Variants in PCDH9 observed in about 807,000 individuals in gnomAD.
The protein encoded by PCDH9 is protocadherin 9.
In PCDH9, 24 loss-of-function variants were observed where a neutral mutation model predicts 70.6. That is an observed-to-expected ratio of 0.34 (90% CI 0.25 to 0.48). The LOEUF (loss-of-function observed/expected upper bound fraction) is 0.48, where lower values mean the gene tolerates loss of function less well. Ranked by LOEUF, PCDH9 falls within the 20% of genes least tolerant of loss-of-function variation. The pLI is 0.99. For missense variants in PCDH9, 1,281 were observed against 1,503.6 expected, an observed-to-expected ratio of 0.85 and a Z score of 2.45; for synonymous variants, 562 against 558.5, an observed-to-expected ratio of 1.01 and a Z score of -0.09.
At chr13:66,641,804 T>C (rs1464451884) in intron 3 of PCDH9, among the ~76,000 whole-genome samples, 2 of 152,192 alleles carry the variant, frequency 1.3e-5, no homozygotes, top group African/African-American at 4.8e-5. Flanking sequence ...ACTGTGTCTG[T>C]ATTTAACTAC....
At chr13:67,162,287 C>G (rs147146516) in intron 2 of PCDH9, among the ~76,000 whole-genome samples, 1 of 152,266 alleles carries the variant, frequency 6.6e-6, no homozygotes, top group Admixed American at 6.5e-5. Flanking sequence ...TTCTAGTTCT[C>G]CTGATATGTA....
chr13:67,177,229 T>C (rs1459231348), intron 2 of PCDH9, among the ~76,000 whole-genome samples: 2 of 152,132 alleles, frequency 1.3e-5, no homozygotes, highest in African/African-American at 4.8e-5. Context: ...TTCTTGTTAT[T>C]AAATAATTCA....
intron 2 of PCDH9, among the ~76,000 whole-genome samples, chr13:67,103,077 CAT>C (rs1461389655): frequency 2.1e-4 from 32 of 152,148 alleles, no homozygotes; most frequent in South Asian, 4.1e-4. Flanking sequence ...CTGCTACACA[CAT>C]GTTTTTAAAT....
intron 4 of PCDH9, among the ~76,000 whole-genome samples, chr13:66,434,078 T>C (rs1023155195): frequency 5.3e-5 from 8 of 151,926 alleles, no homozygotes; most frequent in Admixed American, 3.3e-4. Context: ...TTACAATGGC[T>C]ATAAAAATAG....
At chr13:66,973,960 C>T (rs1242504441) in intron 2 of PCDH9, among the ~76,000 whole-genome samples, 2 of 151,938 alleles carry the variant, frequency 1.3e-5, no homozygotes, top group Non-Finnish European at 2.9e-5. Context: ...AATAGGATTG[C>T]TATTTTGCTT....
At chr13:66,621,864 C>T (rs910278804) in intron 4 of PCDH9, among the ~76,000 whole-genome samples, 1 of 152,272 alleles carries the variant, frequency 6.6e-6, no homozygotes, top group Non-Finnish European at 1.5e-5. Context: ...ATGAGCCCTT[C>T]AGCCCACCAC....
At chr13:66,716,343 T>C (rs1017145509) in intron 3 of PCDH9, among the ~76,000 whole-genome samples, 1 of 152,224 alleles carries the variant, frequency 6.6e-6, no homozygotes, top group Non-Finnish European at 1.5e-5. Context: ...TTAGACAAAT[T>C]AATGTATGTA....
At chr13:67,139,361 A>G (rs187722831) in intron 2 of PCDH9, among the ~76,000 whole-genome samples, 24 of 152,360 alleles carry the variant, frequency 1.6e-4, no homozygotes, top group African/African-American at 5.8e-4. Context: ...TCAGAGATTC[A>G]GCACAGTTGG....
At chr13:66,635,826 G>A (rs2077630067) in intron 3 of PCDH9, among the ~76,000 whole-genome samples, 1 of 152,004 alleles carries the variant, frequency 6.6e-6, no homozygotes, top group African/African-American at 2.4e-5. Flanking sequence ...GCAAGGATTT[G>A]GTGGTAAATG....
chr13:66,469,597 A>G (rs1958579045), intron 4 of PCDH9, among the ~76,000 whole-genome samples: 1 of 152,138 alleles, frequency 6.6e-6, no homozygotes, highest in Non-Finnish European at 1.5e-5. Context: ...ACGACCCAGT[A>G]GATATTGATA....
intron 2 of PCDH9, among the ~76,000 whole-genome samples, chr13:67,159,734 T>A (rs2087905847): frequency 6.6e-6 from 1 of 152,124 alleles, no homozygotes; most frequent in African/African-American, 2.4e-5. Flanking sequence ...ATAGATTTAT[T>A]CAGTAATTGA....
At chr13:66,809,093 C>G (rs1033596936) in intron 3 of PCDH9, among the ~76,000 whole-genome samples, 2 of 152,030 alleles carry the variant, frequency 1.3e-5, no homozygotes, top group African/African-American at 2.4e-5. Context: ...GACTACAGGC[C>G]CCCGCCACCA....
intron 4 of PCDH9, among the ~76,000 whole-genome samples, chr13:66,502,985 T>A (rs1353365815): frequency 6.6e-6 from 1 of 152,180 alleles, no homozygotes; most frequent in Non-Finnish European, 1.5e-5. Flanking sequence ...AATATAGGCA[T>A]GGTCCTGCCC....
intron 3 of PCDH9, among the ~76,000 whole-genome samples, chr13:66,732,821 T>C (rs1036026217): frequency 2.0e-5 from 3 of 152,012 alleles, no homozygotes; most frequent in African/African-American, 7.2e-5. Flanking sequence ...AACTTCAAAA[T>C]ATTCCCCAAC....
At chr13:66,515,942 A>T (rs553828147) in intron 4 of PCDH9, among the ~76,000 whole-genome samples, 1 of 152,124 alleles carries the variant, frequency 6.6e-6, no homozygotes, top group South Asian at 2.1e-4. Context: ...AAGGAGGATG[A>T]CTTTACCACA....
intron 4 of PCDH9, among the ~76,000 whole-genome samples, chr13:66,448,030 G>A (rs1958131257): frequency 1.3e-5 from 2 of 151,986 alleles, no homozygotes; most frequent in Admixed American, 6.6e-5. Flanking sequence ...ACTGTAATTA[G>A]TTCCTAATTG....
intron 4 of PCDH9, among the ~76,000 whole-genome samples, chr13:66,435,201 G>A (rs2138385644): frequency 6.6e-6 from 1 of 152,160 alleles, no homozygotes; most frequent in Admixed American, 6.5e-5. Context: ...TTTAAAACAG[G>A]AATTAAGTGA....
At chr13:67,086,200 C>G (rs529903068) in intron 2 of PCDH9, among the ~76,000 whole-genome samples, 1 of 152,232 alleles carries the variant, frequency 6.6e-6, no homozygotes, top group East Asian at 1.9e-4. Flanking sequence ...AACAAATTAT[C>G]TATATATCAG....
chr13:67,186,770 A>AT (rs1164581323), intron 2 of PCDH9, among the ~76,000 whole-genome samples: 2 of 152,150 alleles, frequency 1.3e-5, no homozygotes, highest in Non-Finnish European at 2.9e-5. Context: ...ACTAATGTTT[A>AT]TTTTTTAACA....
Sources: allele counts gnomAD v4.1 joint callset (sites outside exome capture counted in the v4.1 genomes callset), GRCh38; gene constraint gnomAD v4.1.1; transcripts MANE v1.5; gene names NCBI Gene and HGNC (gene_info 2026-07-23, HGNC 2026-07-21).